The following MAP4 variants were observed in gnomAD, a reference collection of about 807,000 sequenced individuals.
The protein encoded by MAP4 is microtubule-associated protein 4.
MAP4 carries 76 observed loss-of-function variants against 170.2 expected under a neutral mutation model. The observed-to-expected ratio is 0.45, with a 90% confidence interval of 0.37 to 0.54. The LOEUF (loss-of-function observed/expected upper bound fraction) is 0.54, where lower values mean the gene tolerates loss of function less well. Ranked by LOEUF, MAP4 falls within the 20% of genes least tolerant of loss-of-function variation. The pLI, the probability that MAP4 is intolerant of heterozygous loss-of-function variation, is 0.00. For synonymous variants in MAP4, 909 were observed against 994.5 expected (o/e 0.91, Z 1.62); for missense variants, 2,506 against 2,748.0 (o/e 0.91, Z 1.97).
chr3:47,858,895 A>G (rs569138273), intron 17 of MAP4, among the ~76,000 whole-genome samples: 20 of 152,050 alleles, frequency 1.3e-4, no homozygotes, highest in East Asian at 1.9e-4. Flanking sequence ...TTGGGAGGCT[A>G]AGGCGGGCGG....
Position 47,992,422 on chromosome 3 carries a change from TTTATTA to T in MAP4, c.223+6210_223+6215del, listed in dbSNP as rs1000275801. Among the ~76,000 whole-genome samples the T allele has an allele frequency of 3.9e-5, 6 of 152,140 alleles. No individual in the cohort carries two copies. The East Asian group carries it at 7.7e-4, about 20-fold the overall frequency. ...TTTACAACCTATCATAATTATAAAC[TTTATTA>T]TTATTATTATTTTTAGAGACGGGGT... is the stretch of plus-strand genomic sequence containing the variant. On this transcript the variant is annotated intron_variant, in intron 2 of 20. Transcript: ENST00000683076.
intron 2 of MAP4, among the ~76,000 whole-genome samples, chr3:47,979,576 C>T (rs1177669989): frequency 6.6e-6 from 1 of 152,138 alleles, no homozygotes; most frequent in African/African-American, 2.4e-5. Context: ...CAGGCTCAGC[C>T]TCCCCAAGTA....
intron 1 of MAP4, among the ~76,000 whole-genome samples, chr3:48,058,523 T>C (rs999224860): frequency 1.3e-5 from 2 of 152,314 alleles, no homozygotes; most frequent in East Asian, 1.9e-4. Flanking sequence ...TCTTATCTTT[T>C]AGAGTAACTA....
At chr3:48,061,777 CG>C (rs2100135572) in intron 1 of MAP4, among the ~76,000 whole-genome samples, 3 of 124,032 alleles carry the variant, frequency 2.4e-5, no homozygotes, top group Admixed American at 7.7e-5. Flanking sequence ...CCAGCCGCCC[CG>C]TCCGGGAGGG....
chr3:48,030,006 T>C (rs2100115156), intron 1 of MAP4, among the ~76,000 whole-genome samples: 1 of 147,180 alleles, frequency 6.8e-6, no homozygotes, highest in Non-Finnish European at 1.5e-5. Context: ...AAAATATATA[T>C]ATATAATATA....
chr3:47,910,615 T>C lies in MAP4; in HGVS notation c.3806A>G (p.Asp1269Gly). 6.5e-7 allele frequency: 1 copy of C among 1,536,128 alleles called. No homozygotes were observed. Among genetic ancestry groups the C allele is most frequent in the East Asian group, 2.4e-5 (1 of 40,916 alleles). ...EIGFTFPKMH[D>G]SSFSHTPDTP... ...ATCTGGTGTATGTGAGAACGAAGAA[T>C]CATGCATTTTGGGGAAAGTAAATCC... The change falls in exon 9 of 21, where the codon GAT (aspartate) becomes GGT (glycine). Residue 1269 changes from aspartate (D) to glycine (G), a missense_variant. Around this residue, in one of 3 missense-constraint regions of MAP4, gnomAD observed 2,008 missense variants for 2,206.0 expected, o/e 0.91. Coordinates refer to ENST00000683076, the MANE Select transcript of MAP4 (RefSeq NM_001385682.1).
At chr3:47,891,107 G>A (rs1330266984) in intron 10 of MAP4, 7 of 1,536,184 alleles carry the variant, frequency 4.6e-6, no homozygotes, top group Middle Eastern at 1.7e-4. Context: ...TGCCAGAGCC[G>A]TCTGTCCTGG....
At chr3:47,983,490 G>A (rs182597808) in intron 2 of MAP4, among the ~76,000 whole-genome samples, 183 of 152,226 alleles carry the variant, frequency 1.2e-3, no homozygotes, top group African/African-American at 4.2e-3. Context: ...AGGTTCAAGC[G>A]ATTCTCATGC....
At chr3:48,002,574 T>A (rs1012264508) in intron 1 of MAP4, among the ~76,000 whole-genome samples, 17 of 145,802 alleles carry the variant, frequency 1.2e-4, no homozygotes, top group African/African-American at 4.1e-4. Flanking sequence ...TCTCAAAAAA[T>A]TTTTAAAAAT....
intron 16 of MAP4, 108 bp from the exon 17 acceptor site, chr3:47,867,446 G>T (rs1466668640): frequency 1.7e-5 from 13 of 758,910 alleles, no homozygotes; most frequent in Non-Finnish European, 3.0e-5. Context: ...AACAAAAAGT[G>T]TTGTTAAACC....
At chr3:48,074,722 G>GA (rs1278413420) in intron 1 of MAP4, among the ~76,000 whole-genome samples, 48 of 149,274 alleles carry the variant, frequency 3.2e-4, no homozygotes, top group African/African-American at 1.1e-3. Context: ...GTGTGTGTGT[G>GA]TGTGATATGT....
intron 3 of MAP4, among the ~76,000 whole-genome samples, chr3:47,946,571 T>C (rs2100060093): frequency 6.7e-6 from 1 of 148,340 alleles, no homozygotes; most frequent in Non-Finnish European, 1.5e-5. Flanking sequence ...GGAGAATCGC[T>C]TGAACCCAGG....
intron 1 of MAP4, among the ~76,000 whole-genome samples, chr3:48,023,226 T>TA (rs1192227610): frequency 6.6e-6 from 1 of 152,156 alleles, no homozygotes; most frequent in African/African-American, 2.4e-5. Context: ...AAGAAAGTAC[T>TA]AATCCAAACA....
chr3:47,863,698 C>T (rs920713039), intron 17 of MAP4, among the ~76,000 whole-genome samples: 7 of 151,906 alleles, frequency 4.6e-5, no homozygotes, highest in Non-Finnish European at 8.8e-5. Context: ...GGAACCAAAA[C>T]GGACACAAAA....
chr3:47,901,405 C>T (rs2100029930), intron 10 of MAP4, among the ~76,000 whole-genome samples: 1 of 152,094 alleles, frequency 6.6e-6, no homozygotes, highest in Non-Finnish European at 1.5e-5. Flanking sequence ...CCGCTATTTG[C>T]AGAGCAATAG....
chr3:47,883,399 T>A (rs2097104304), intron 10 of MAP4, among the ~76,000 whole-genome samples: 1 of 152,056 alleles, frequency 6.6e-6, no homozygotes, highest in African/African-American at 2.4e-5. Context: ...TAATTTTGTA[T>A]TTTTAGTAGA....
chr3:47,910,737 C>A lies in MAP4; in HGVS notation c.3684G>T (p.Gln1228His). The change falls in exon 9 of 21, where the codon CAG (glutamine) becomes CAT (histidine). Residue 1228 changes from glutamine to histidine, a missense_variant. Gln to His is a conservative substitution (Grantham distance 24). Coordinates refer to ENST00000683076, the MANE Select transcript of MAP4 (RefSeq NM_001385682.1). ...SKKFKNNYST[Q>H]PARMERKEEI... ...CTTCCTTCCTCTCCATTCTAGCAGG[C>A]TGTGTGGAATAATTATTTTTAAACT... 2 of 1,536,072 alleles carry A rather than the reference C, an allele frequency of 1.3e-6. No homozygotes were observed. Among genetic ancestry groups the A allele is most frequent in the South Asian group, 2.4e-5 (2 of 84,060 alleles).
chr3:48,035,776 C>A (rs922359601), intron 1 of MAP4, among the ~76,000 whole-genome samples: 15 of 152,066 alleles, frequency 9.9e-5, no homozygotes, highest in African/African-American at 3.1e-4. Flanking sequence ...CCCGCCTCTA[C>A]TAAAATTACA....
intron 1 of MAP4, among the ~76,000 whole-genome samples, chr3:48,033,470 T>C (rs1252697612): frequency 6.6e-6 from 1 of 152,226 alleles, no homozygotes; most frequent in Non-Finnish European, 1.5e-5. Flanking sequence ...CAGAAAAGTA[T>C]ATTAGTTTTC....
Sources: gnomAD v4.1 joint callset for allele counts (sites outside exome capture counted in the v4.1 genomes callset) on GRCh38, gnomAD v4.1.1 for gene constraint, gnomAD v4.1.1 regional missense constraint, MANE v1.5 for transcripts, NCBI Gene and HGNC (gene_info 2026-07-23, HGNC 2026-07-21) for gene names.